The following GALNT1 variants were observed in gnomAD, a reference collection of about 807,000 sequenced individuals.
The protein encoded by GALNT1 is polypeptide N-acetylgalactosaminyltransferase 1, also known as GalNAc transferase 1.
A neutral mutation model predicts 65.7 loss-of-function variants in GALNT1; 17 were observed. The observed-to-expected ratio is 0.26, with a 90% CI of 0.18 to 0.39. The LOEUF is 0.39. GALNT1 is among the 10% of genes least tolerant of loss of function. GALNT1 has a pLI of 1.00. For synonymous variants in GALNT1, 210 were observed against 219.7 expected (o/e 0.96, Z 0.39); for missense variants, 460 against 672.8 (o/e 0.68, Z 3.50).
intron 1 of GALNT1, among the ~76,000 whole-genome samples, chr18:35,640,522 T>A (rs1263713517): frequency 1.3e-5 from 2 of 152,234 alleles, no homozygotes; most frequent in African/African-American, 4.8e-5. Flanking sequence ...ATCTCTCCAG[T>A]TATTTATAGA....
chr18:35,700,908 G>C (rs16967027), intron 9 of GALNT1, among the ~76,000 whole-genome samples: 1,726 of 152,242 alleles, frequency 0.011, 33 homozygotes, highest in African/African-American at 0.038. Flanking sequence ...AATTCCTGTG[G>C]CATTTATCAT....
At chr18:35,665,185 A>G in intron 3 of GALNT1, among the ~76,000 whole-genome samples, 1 of 152,250 alleles carries the variant, frequency 6.6e-6, no homozygotes, top group East Asian at 1.9e-4. Flanking sequence ...TTGAGGAAAC[A>G]AAAACTATTA....
intron 1 of GALNT1, among the ~76,000 whole-genome samples, chr18:35,626,156 C>T (rs1298036945): frequency 7.9e-5 from 12 of 152,202 alleles, no homozygotes; most frequent in Admixed American, 7.9e-4. Flanking sequence ...TAGCCCGTCA[C>T]AACTCTCGGC....
chr18:35,667,588 G>A (rs1408723268), intron 3 of GALNT1, among the ~76,000 whole-genome samples: 2 of 151,998 alleles, frequency 1.3e-5, no homozygotes. Context: ...TTTTTTTATA[G>A]CGTAGGTGTC....
chr18:35,622,163 C>G (rs777524437), intron 1 of GALNT1, among the ~76,000 whole-genome samples: 1 of 152,006 alleles, frequency 6.6e-6, no homozygotes, highest in Non-Finnish European at 1.5e-5. Context: ...TTTTTCTTTA[C>G]TATAGAAATC....
chr18:35,649,635 G>A (rs2047283736), intron 1 of GALNT1, among the ~76,000 whole-genome samples: 1 of 151,964 alleles, frequency 6.6e-6, no homozygotes, highest in Admixed American at 6.5e-5. Context: ...TTAATGGTTT[G>A]TGCTTTTTTG....
chr18:35,606,894 T>C (rs183370739), intron 1 of GALNT1, among the ~76,000 whole-genome samples: 2 of 148,456 alleles, frequency 1.3e-5, no homozygotes, highest in East Asian at 2.0e-4. Context: ...GATTTATAGA[T>C]TGTGACCATC....
At chr18:35,677,295 A>G (rs144858188) in intron 3 of GALNT1, among the ~76,000 whole-genome samples, 1 of 152,326 alleles carries the variant, frequency 6.6e-6, no homozygotes, top group African/African-American at 2.4e-5. Context: ...GGCAGATAAT[A>G]TAGCTTTATT....
intron 3 of GALNT1, among the ~76,000 whole-genome samples, chr18:35,666,734 T>C (rs2047554243): frequency 7.9e-5 from 12 of 152,196 alleles, no homozygotes; most frequent in Admixed American, 7.9e-4. Context: ...TGAAATGGTG[T>C]GATACAAATG....
intron 3 of GALNT1, among the ~76,000 whole-genome samples, chr18:35,670,603 C>T (rs1030366532): frequency 2.6e-5 from 4 of 152,144 alleles, no homozygotes; most frequent in African/African-American, 9.7e-5. Flanking sequence ...GATGCAGTGC[C>T]AATCATAACC....
intron 1 of GALNT1, among the ~76,000 whole-genome samples, chr18:35,585,072 G>A (rs1365530178): frequency 6.6e-6 from 1 of 152,188 alleles, no homozygotes; most frequent in Non-Finnish European, 1.5e-5. Context: ...AAGGATGCTG[G>A]AGAGATTGTA....
At chr18:35,584,796 G>A (rs752902303) in intron 1 of GALNT1, among the ~76,000 whole-genome samples, 4 of 152,174 alleles carry the variant, frequency 2.6e-5, no homozygotes, top group South Asian at 4.1e-4. Context: ...ATTTAATGCC[G>A]CTGGTGATCT....
intron 1 of GALNT1, among the ~76,000 whole-genome samples, chr18:35,630,208 A>T (rs1228068508): frequency 6.6e-6 from 1 of 152,204 alleles, no homozygotes; most frequent in Non-Finnish European, 1.5e-5. Context: ...TGGACCTAAT[A>T]GACATCTACA....
chr18:35,625,474 AAG>A (rs2046905369), intron 1 of GALNT1, among the ~76,000 whole-genome samples: 1 of 152,216 alleles, frequency 6.6e-6, no homozygotes, highest in Admixed American at 6.5e-5. Context: ...GAAGCTGAGA[AAG>A]AGACTTGTGT....
chr18:35,645,162 G>A (rs1363738784), intron 1 of GALNT1, among the ~76,000 whole-genome samples: 1 of 148,128 alleles, frequency 6.8e-6, no homozygotes, highest in African/African-American at 2.5e-5. Flanking sequence ...CTTCAATAAA[G>A]CTCCACAGTT....
At chr18:35,626,875 TA>T (rs750417084) in intron 1 of GALNT1, among the ~76,000 whole-genome samples, 1 of 152,226 alleles carries the variant, frequency 6.6e-6, no homozygotes, top group African/African-American at 2.4e-5. Context: ...TCAACATCTC[TA>T]TGAGGGATAT....
intron 1 of GALNT1, among the ~76,000 whole-genome samples, chr18:35,616,508 CA>C (rs1201534857): frequency 6.6e-6 from 1 of 152,118 alleles, no homozygotes; most frequent in African/African-American, 2.4e-5. Context: ...TTGCTTTGGA[CA>C]CTGGGTGTTT....
chr18:35,649,490 A>C (rs2047281823), intron 1 of GALNT1, among the ~76,000 whole-genome samples: 1 of 152,066 alleles, frequency 6.6e-6, no homozygotes, highest in Admixed American at 6.6e-5. Context: ...CAAATTTGTG[A>C]CTTGCTCTTT....
At chr18:35,688,396 C>T (rs2047902131) in intron 6 of GALNT1, among the ~76,000 whole-genome samples, 1 of 151,854 alleles carries the variant, frequency 6.6e-6, no homozygotes. Flanking sequence ...ATTTTTTTCT[C>T]CTGGTTGGAG....
Sources: allele counts gnomAD v4.1 joint callset (sites outside exome capture counted in the v4.1 genomes callset), GRCh38; gene constraint gnomAD v4.1.1; transcripts MANE v1.5; gene names NCBI Gene and HGNC (gene_info 2026-07-23, HGNC 2026-07-21).